MBNL3: variants seen among roughly 807,000 people sequenced by gnomAD.
The protein encoded by MBNL3 is muscleblind-like protein 3.
MBNL3 carries 6 observed loss-of-function variants against 24.5 expected under a neutral mutation model. The observed-to-expected ratio is 0.25, with a 90% confidence interval of 0.13 to 0.48. MBNL3 has a LOEUF of 0.48. MBNL3 is among the 20% of genes least tolerant of loss of function. The pLI is 0.99. For missense variants in MBNL3, 230 were observed against 293.5 expected, an observed-to-expected ratio of 0.78 and a Z score of 1.58; for synonymous variants, 100 against 101.7, an observed-to-expected ratio of 0.98 and a Z score of 0.10.
chrX:132,437,560 C>T (rs928977362), intron 2 of MBNL3, among the ~76,000 whole-genome samples: 1 of 111,747 alleles, frequency 8.9e-6, no homozygotes, highest in Non-Finnish European at 1.9e-5. Flanking sequence ...GATGAAGTTA[C>T]TCAAGGATTG....
chrX:132,386,061 C>T (rs1935967185), intron 6 of MBNL3, among the ~76,000 whole-genome samples: 1 of 111,579 alleles, frequency 9.0e-6, no homozygotes, highest in South Asian at 3.6e-4. Context: ...TTAACATTTT[C>T]TGTTCAATTT....
intron 3 of MBNL3, among the ~76,000 whole-genome samples, chrX:132,394,689 TC>T (rs1224760709): frequency 8.9e-6 from 1 of 112,647 alleles, no homozygotes; most frequent in Non-Finnish European, 1.9e-5. Context: ...TAAATGCTGA[TC>T]AATCAACAAT....
At chrX:132,422,644 A>C (rs1943933384) in intron 2 of MBNL3, among the ~76,000 whole-genome samples, 1 of 112,244 alleles carries the variant, frequency 8.9e-6, no homozygotes, top group Non-Finnish European at 1.9e-5. Context: ...ATATATATCA[A>C]GAAAGGGCCG....
At chrX:132,398,875 G>A (rs1014078948) in intron 3 of MBNL3, among the ~76,000 whole-genome samples, 3 of 111,236 alleles carry the variant, frequency 2.7e-5, no homozygotes, top group Non-Finnish European at 5.7e-5. Flanking sequence ...ATAATTCTAT[G>A]TTGAAAAAAG....
chrX:132,392,750 C>T (rs926556456), intron 3 of MBNL3, among the ~76,000 whole-genome samples: 1 of 111,051 alleles, frequency 9.0e-6, no homozygotes, highest in Non-Finnish European at 1.9e-5. Flanking sequence ...CTTCCTCTTT[C>T]CTCTTCACCA....
At chrX:132,437,332 G>A (rs1450776263) in intron 2 of MBNL3, among the ~76,000 whole-genome samples, 1 of 111,696 alleles carries the variant, frequency 9.0e-6, no homozygotes, top group Non-Finnish European at 1.9e-5. Context: ...ATTTGGTCAT[G>A]TACATTTGGA....
At chrX:132,489,536 T>C (rs1176175766), upstream of MBNL3, among the ~76,000 whole-genome samples, 2 of 110,586 alleles carry the variant, frequency 1.8e-5, no homozygotes, top group Admixed American at 9.3e-5. Flanking sequence ...GCCAGTGCCC[T>C]CCGCCGGACG....
intron 2 of MBNL3, among the ~76,000 whole-genome samples, chrX:132,414,464 C>T (rs764674352): frequency 8.9e-6 from 1 of 111,866 alleles, no homozygotes; most frequent in South Asian, 3.8e-4. Flanking sequence ...GTACCACAGA[C>T]AACTAATCCC....
In MBNL3 at chrX:132,377,946, A is replaced by T. The variant is rs1934291245; in HGVS notation, c.*1720T>A. 9.0e-6 allele frequency: 1 copy of T among 110,602 alleles called. No individual in the cohort carries two copies. Among genetic ancestry groups the T allele is most frequent in the Admixed American group, 9.7e-5 (1 of 10,289 alleles). The allele number at this position is 110,602 out of a possible 1,213,427, so 9.1% of individuals were successfully genotyped here. On this transcript the variant is annotated 3_prime_UTR_variant, in exon 9 of 9. Coordinates refer to ENST00000370853, the MANE Select transcript of MBNL3 (RefSeq NM_001386889.1). The stretch of plus-strand genomic sequence containing the variant: ...CACTGTATAATAACATTAATAAATG[A>T]GTAGAGTGGATGAGATATGTCACAC...
At chrX:132,381,396 T>A (rs1377340770) in intron 8 of MBNL3, 1 of 1,178,803 alleles carries the variant, frequency 8.5e-7, no homozygotes, top group Non-Finnish European at 1.1e-6. Flanking sequence ...GAAACAAACA[T>A]GCTGCTATTC....
intron 2 of MBNL3, among the ~76,000 whole-genome samples, chrX:132,414,244 T>C (rs772743183): frequency 8.9e-6 from 1 of 112,463 alleles, no homozygotes; most frequent in African/African-American, 3.2e-5. Flanking sequence ...ATTTAAGCAA[T>C]TGCTAGACAC....
intron 2 of MBNL3, among the ~76,000 whole-genome samples, chrX:132,425,635 G>C (rs1351365845): frequency 9.0e-6 from 1 of 111,213 alleles, no homozygotes; most frequent in Non-Finnish European, 1.9e-5. Flanking sequence ...AAGATTATGA[G>C]CTTGTACTTG....
At chrX:132,396,791 T>TAC (rs1244535512) in intron 3 of MBNL3, among the ~76,000 whole-genome samples, 4 of 30,578 alleles carry the variant, frequency 1.3e-4, no homozygotes, top group Non-Finnish European at 1.9e-4. Flanking sequence ...TATTCATATA[T>TAC]ATATTCATAT....
At chrX:132,465,013 A>T (rs1236668968) in intron 1 of MBNL3, among the ~76,000 whole-genome samples, 1 of 111,962 alleles carries the variant, frequency 8.9e-6, no homozygotes, top group Non-Finnish European at 1.9e-5. Flanking sequence ...CCATTGCACT[A>T]CAGCTTGGGT....
intron 3 of MBNL3, among the ~76,000 whole-genome samples, chrX:132,397,748 AT>A (rs754872328): frequency 1.8e-5 from 2 of 111,347 alleles, no homozygotes; most frequent in East Asian, 5.6e-4. Context: ...ACTGAAATCC[AT>A]AATTTTAGTT....
chrX:132,445,877 T>C (rs903161209), intron 1 of MBNL3, among the ~76,000 whole-genome samples: 2 of 111,410 alleles, frequency 1.8e-5, no homozygotes, highest in African/African-American at 6.5e-5. Context: ...ACACGTGCCA[T>C]GGTGGTTTGC....
intron 2 of MBNL3, chrX:132,437,956 A>C (rs956650001): frequency 2.0e-5 from 11 of 558,713 alleles, no homozygotes; most frequent in Middle Eastern, 1.1e-3. Flanking sequence ...GCAAAAAAAA[A>C]CAAAAAACAA....
At chrX:132,396,555 CCT>C (rs1491216939) in intron 3 of MBNL3, among the ~76,000 whole-genome samples, 4 of 19,340 alleles carry the variant, frequency 2.1e-4, no homozygotes, top group East Asian at 9.3e-4. Context: ...CCTATATATT[CCT>C]ATATATATTC....
rs1167634548 is a variant in MBNL3 at position 132,375,975 on chromosome X, T to C, written c.*3691A>G. ...GTCATTCCTTATTCAGATACCACTA[T>C]GCTTATTGGTAATGCTACTTAAAAC... On this transcript the variant is annotated 3_prime_UTR_variant, in exon 9 of 9. Transcript: ENST00000370853. The C allele has an allele frequency of 1.8e-5, 2 of 111,990 alleles. No homozygotes were observed. Among genetic ancestry groups the C allele is most frequent in the Admixed American group, 1.9e-4 (2 of 10,522 alleles). 9.2% of individuals were successfully genotyped at this position (111,990 alleles called of 1,213,427 possible).
Sources: allele counts gnomAD v4.1 joint callset (sites outside exome capture counted in the v4.1 genomes callset), GRCh38; gene constraint gnomAD v4.1.1; transcripts MANE v1.5; gene names NCBI Gene and HGNC (gene_info 2026-07-23, HGNC 2026-07-21).